The following WWOX variants were observed in gnomAD, a reference collection of about 807,000 sequenced individuals.
The protein encoded by WWOX is WW domain containing oxidoreductase.
In WWOX, 69 loss-of-function variants were observed where a neutral mutation model predicts 46.2. That is an observed-to-expected ratio of 1.49 (90% CI 1.23 to 1.82). The LOEUF (loss-of-function observed/expected upper bound fraction) is 1.82. WWOX is among the 40% of genes most tolerant of loss of function. The probability of loss-of-function intolerance (pLI) is 0.00; values close to 1 mark genes in which losing one functional copy is unlikely to be tolerated. For missense variants in WWOX, 919 were observed against 542.6 expected (o/e 1.69, Z -6.89); for synonymous variants, 359 against 202.6 (o/e 1.77, Z -6.56).
intron 8 of WWOX, among the ~76,000 whole-genome samples, chr16:79,086,030 G>C (rs34210462): frequency 0.078 from 11,806 of 151,692 alleles, 787 homozygotes; most frequent in African/African-American, 0.18. Context: ...CATGACTGTG[G>C]CACTGCACTT....
At chr16:78,125,354 A>G (rs756466597) in intron 4 of WWOX, among the ~76,000 whole-genome samples, 10 of 152,110 alleles carry the variant, frequency 6.6e-5, no homozygotes, top group African/African-American at 1.7e-4. Flanking sequence ...TCCACTGTAC[A>G]TGCCACCATC....
intron 8 of WWOX, among the ~76,000 whole-genome samples, chr16:79,142,518 C>A (rs543159800): frequency 6.6e-6 from 1 of 152,270 alleles, no homozygotes; most frequent in East Asian, 1.9e-4. Flanking sequence ...CTAGAACATA[C>A]CTGGAAGGCA....
intron 8 of WWOX, among the ~76,000 whole-genome samples, chr16:78,479,829 C>T (rs768424504): frequency 2.0e-5 from 3 of 152,180 alleles, no homozygotes; most frequent in Non-Finnish European, 4.4e-5. Context: ...GAAAGCCAGG[C>T]TGAGGCTGGC....
At chr16:78,575,057 ATATATAT>A (rs2044837082) in intron 8 of WWOX, among the ~76,000 whole-genome samples, 1 of 17,960 alleles carries the variant, frequency 5.6e-5, no homozygotes. Context: ...ATATATATAT[ATATATAT>A]ATATATATAT....
At chr16:78,913,173 TATG>T (rs1425745498) in intron 8 of WWOX, among the ~76,000 whole-genome samples, 1 of 151,986 alleles carries the variant, frequency 6.6e-6, no homozygotes, top group Admixed American at 6.6e-5. Flanking sequence ...GCTGAGGTAA[TATG>T]AGGAGATCCG....
intron 3 of WWOX, among the ~76,000 whole-genome samples, chr16:78,111,481 C>G (rs1041685293): frequency 1.3e-5 from 2 of 152,180 alleles, no homozygotes; most frequent in Non-Finnish European, 2.9e-5. Context: ...TTCTGTCACA[C>G]CCGCATAAGG....
At chr16:78,922,425 C>G (rs1189066427) in intron 8 of WWOX, among the ~76,000 whole-genome samples, 1 of 149,168 alleles carries the variant, frequency 6.7e-6, no homozygotes, top group African/African-American at 2.5e-5. Context: ...GTCGCTCAGG[C>G]TGGAGTGCAG....
intron 8 of WWOX, among the ~76,000 whole-genome samples, chr16:79,099,225 G>A (rs1031720395): frequency 5.9e-5 from 9 of 152,224 alleles, no homozygotes; most frequent in Admixed American, 3.9e-4. Flanking sequence ...AACACCTCCC[G>A]GTAGGCTCCA....
intron 8 of WWOX, among the ~76,000 whole-genome samples, chr16:79,121,380 C>G (rs2049628162): frequency 6.6e-6 from 1 of 152,176 alleles, no homozygotes; most frequent in African/African-American, 2.4e-5. Context: ...ATTGTGTTTA[C>G]AACAGAATAT....
chr16:78,603,205 G>T (rs900608654), intron 8 of WWOX, among the ~76,000 whole-genome samples: 10 of 152,164 alleles, frequency 6.6e-5, no homozygotes, highest in African/African-American at 1.9e-4. Flanking sequence ...ACCTGGAGAA[G>T]TGCCAATATC....
intron 8 of WWOX, among the ~76,000 whole-genome samples, chr16:78,845,183 TAA>T (rs377162463): frequency 2.1e-5 from 3 of 141,956 alleles, no homozygotes; most frequent in Non-Finnish European, 1.5e-5. Context: ...GGACTGGTCT[TAA>T]AAAAAAAAAA....
intron 8 of WWOX, among the ~76,000 whole-genome samples, chr16:79,104,999 G>C (rs1380392331): frequency 6.6e-6 from 1 of 152,110 alleles, no homozygotes; most frequent in Non-Finnish European, 1.5e-5. Context: ...TCATGATACT[G>C]GAAGGCAGTC....
intron 8 of WWOX, among the ~76,000 whole-genome samples, chr16:78,851,707 CA>C (rs1250564822): frequency 6.6e-6 from 1 of 152,140 alleles, no homozygotes; most frequent in African/African-American, 2.4e-5. Flanking sequence ...AAATATAAAA[CA>C]ATTTTTTATT....
chr16:78,386,531 T>G (rs2082063598), intron 5 of WWOX, among the ~76,000 whole-genome samples: 5 of 152,256 alleles, frequency 3.3e-5, no homozygotes, highest in Admixed American at 3.3e-4. Context: ...TTCCCCTCCT[T>G]ACAGCGTTTT....
intron 8 of WWOX, among the ~76,000 whole-genome samples, chr16:79,059,194 C>G (rs1423772139): frequency 6.6e-6 from 1 of 152,174 alleles, no homozygotes; most frequent in African/African-American, 2.4e-5. Flanking sequence ...AAATGGATTT[C>G]ATCCTAAAAC....
intron 8 of WWOX, among the ~76,000 whole-genome samples, chr16:78,713,732 G>C (rs1224753444): frequency 6.6e-6 from 1 of 152,180 alleles, no homozygotes; most frequent in Non-Finnish European, 1.5e-5. Flanking sequence ...CCTTGACCTT[G>C]AATGTGCAGC....
intron 5 of WWOX, among the ~76,000 whole-genome samples, chr16:78,213,799 A>C (rs750542545): frequency 6.6e-6 from 1 of 152,176 alleles, no homozygotes; most frequent in Non-Finnish European, 1.5e-5. Context: ...GCTTGGCTTC[A>C]TGAAGAAGGA....
intron 8 of WWOX, among the ~76,000 whole-genome samples, chr16:79,028,524 C>T (rs2047690746): frequency 6.6e-6 from 1 of 151,620 alleles, no homozygotes; most frequent in Admixed American, 6.6e-5. Flanking sequence ...CCTTCTTCCT[C>T]TCCCTCCCTC....
intron 8 of WWOX, among the ~76,000 whole-genome samples, chr16:78,639,032 C>T (rs1018311363): frequency 2.0e-5 from 3 of 152,074 alleles, no homozygotes; most frequent in South Asian, 2.1e-4. Flanking sequence ...ATCTTTTACC[C>T]GTCTTATGGG....
Sources: allele counts gnomAD v4.1 joint callset (sites outside exome capture counted in the v4.1 genomes callset), GRCh38; gene constraint gnomAD v4.1.1; transcripts MANE v1.5; gene names NCBI Gene and HGNC (gene_info 2026-07-23, HGNC 2026-07-21).